KLHL23: variants seen among roughly 807,000 people sequenced by gnomAD.
KLHL23 encodes kelch like family member 23.
A neutral mutation model predicts 48.9 loss-of-function variants in KLHL23; 33 were observed. The ratio of observed to expected loss-of-function variants is 0.67; its 90% CI spans 0.51 to 0.90. The LOEUF (loss-of-function observed/expected upper bound fraction) is 0.90, where lower values mean the gene tolerates loss of function less well. Ranked by LOEUF, KLHL23 falls within the 40% of genes least tolerant of loss-of-function variation. The pLI is 0.00. For synonymous variants in KLHL23, 234 were observed against 231.6 expected (o/e 1.01, Z -0.09); for missense variants, 608 against 669.6 (o/e 0.91, Z 1.02).
chr2:169,750,048 G>GTATACATATATGTGTATATATACGTT lies in KLHL23; in HGVS notation c.*319_*320insACATATATGTGTATATATACGTTTAT, dbSNP rs1252194449. 2 of 141,024 alleles carry GTATACATATATGTGTATATATACGTT rather than the reference G, an allele frequency of 1.4e-5. 1 individual carries two copies. The highest frequency in any genetic ancestry group is 5.2e-5 in the African/African-American group (2 of 38,346). The allele number at this position is 141,024 out of a possible 1,614,324, so 8.7% of individuals were successfully genotyped here. Reference sequence around the variant, plus strand: ...GTATACATATGTGTATATATAGTATGTATGTATACATGTATGTGTATATAT... The same window carrying GTATACATATATGTGTATATATACGTT: ...GTATACATATGTGTATATATAGTATGTATACATATATGTGTATATATACGTTTATGTATACATGTATGTGTATATAT... On this transcript the variant is annotated 3_prime_UTR_variant, in exon 4 of 4. Coordinates refer to ENST00000392647, the MANE Select transcript of KLHL23 (RefSeq NM_144711.6).
chr2:169,743,646 G>C (rs1325577059), intron 3 of KLHL23, among the ~76,000 whole-genome samples: 1 of 152,172 alleles, frequency 6.6e-6, no homozygotes, highest in East Asian at 1.9e-4. Flanking sequence ...AGCAGCCTTG[G>C]ATGTATTCCT....
At chr2:169,747,389 T>TAAA (rs10690582) in intron 3 of KLHL23, among the ~76,000 whole-genome samples, 1 of 69,230 alleles carries the variant, frequency 1.4e-5, no homozygotes, top group Non-Finnish European at 2.6e-5. Flanking sequence ...ACTCTGTCTC[T>TAAA]AAAAAAAAAA....
chr2:169,734,499 C>T (rs1006203506), intron 1 of KLHL23, among the ~76,000 whole-genome samples: 3 of 152,198 alleles, frequency 2.0e-5, no homozygotes, highest in South Asian at 4.1e-4. Context: ...GAGCTGCCTT[C>T]CTTTCTCTCC....
intron 2 of KLHL23, chr2:169,741,182 G>A: frequency 4.0e-6 from 2 of 500,092 alleles, no homozygotes; most frequent in Non-Finnish European, 6.8e-6. Flanking sequence ...CGTGGTGCAT[G>A]GCTGTGTTTG....
chr2:169,740,766 T>TTATATATATA (rs55779546), intron 2 of KLHL23, among the ~76,000 whole-genome samples: 21 of 125,512 alleles, frequency 1.7e-4, no homozygotes, highest in African/African-American at 4.5e-4. Flanking sequence ...CTTTTTTATA[T>TTATATATATA]TATATATATA....
rs778812364 is a variant in KLHL23, at chr2:169,741,498, A to C, written c.1327A>C (p.Ile443Leu). 2.4e-5 allele frequency: 39 copies of C among 1,613,894 alleles called. No homozygotes were observed. The highest frequency in any genetic ancestry group is 3.0e-5 in the Non-Finnish European group (35 of 1,179,958). ...CAAAGTTCAGAGCTACAATTCCGAT[A>C]TCAACGAATGGAGCCTCATCACCTC... ...YDKVQSYNSD[I>L]NEWSLITSSP... The change falls in exon 3 of 4, where the codon ATC becomes CTC. Residue 443 changes from isoleucine (I) to leucine (L), a missense_variant. By Grantham distance (5) the Ile-to-Leu change is conservative. Coordinates refer to ENST00000392647, the MANE Select transcript of KLHL23 (RefSeq NM_144711.6).
chr2:169,734,545 C>A (rs746728516), intron 1 of KLHL23, among the ~76,000 whole-genome samples: 16 of 152,204 alleles, frequency 1.1e-4, no homozygotes, highest in Non-Finnish European at 4.4e-5. Context: ...TTCCCTTTTC[C>A]GAGACCTCTT....
intron 1 of KLHL23, among the ~76,000 whole-genome samples, chr2:169,734,313 GGGACGCGGGCACCGGGCCCGCGGGC>G (rs974875312): frequency 8.8e-5 from 13 of 147,700 alleles, no homozygotes; most frequent in Non-Finnish European, 3.0e-5. Flanking sequence ...GCCGGGCAGA[GGGACGCGGGCACCGGGCCCGCGGGC>G]GGCACGCGGC....
In KLHL23 at chr2:169,749,958, T is replaced by A; in HGVS notation, c.*226T>A. ...ACACACACATATATGTGTTCATATATATGTATACATATATATGTGTATATA... is the reference window on the plus strand; with the variant it reads ...ACACACACATATATGTGTTCATATAAATGTATACATATATATGTGTATATA... On this transcript the variant is annotated 3_prime_UTR_variant, in exon 4 of 4. Transcript: ENST00000392647. The A allele has an allele frequency of 7.3e-6, 1 of 137,648 alleles. No homozygotes were observed. Among genetic ancestry groups the A allele is most frequent in the Non-Finnish European group, 1.3e-5 (1 of 77,732 alleles). The allele number at this position is 137,648 out of a possible 1,614,324, so 8.5% of individuals were successfully genotyped here.
chr2:169,744,587 C>T (rs1303844440), intron 3 of KLHL23, among the ~76,000 whole-genome samples: 1 of 149,114 alleles, frequency 6.7e-6, no homozygotes, highest in East Asian at 2.0e-4. Flanking sequence ...GAGATGGAGT[C>T]TTGCTGTGTT....
chr2:169,742,200 A>G (rs997772156), intron 3 of KLHL23, among the ~76,000 whole-genome samples: 1 of 152,212 alleles, frequency 6.6e-6, no homozygotes, highest in African/African-American at 2.4e-5. Flanking sequence ...GGAAAGATTC[A>G]TATCATCGTA....
chr2:169,736,887 A>G (rs895904083), intron 2 of KLHL23, among the ~76,000 whole-genome samples: 2 of 152,186 alleles, frequency 1.3e-5, no homozygotes, highest in African/African-American at 4.8e-5. Context: ...TCGTTACCAA[A>G]TTTGTATCAT....
In KLHL23 at chr2:169,733,911, G is replaced by C. The variant is rs1050459746; in HGVS notation, c.-179G>C. The C allele has an allele frequency of 6.6e-6, 1 of 152,096 alleles. No homozygotes were observed. Among genetic ancestry groups the C allele is most frequent in the Non-Finnish European group, 1.5e-5 (1 of 68,058 alleles). 9.4% of individuals were successfully genotyped at this position (152,096 alleles called of 1,614,324 possible). A position where few individuals can be genotyped will look rare whatever the true frequency, so the allele number is the denominator to read the frequency against. ...CCCAGACCGTGCGGGGGGCTGTTCGGGTGGAGGCGGGGGAGCCGCCGGGAC... is the reference window on the plus strand; with the variant it reads ...CCCAGACCGTGCGGGGGGCTGTTCGCGTGGAGGCGGGGGAGCCGCCGGGAC... On this transcript the variant is annotated 5_prime_UTR_variant, in exon 1 of 4. Coordinates refer to ENST00000392647, the MANE Select transcript of KLHL23 (RefSeq NM_144711.6).
intron 3 of KLHL23, 21 bp from the exon 4 acceptor site, chr2:169,749,401 T>A: frequency 6.4e-7 from 1 of 1,554,084 alleles, no homozygotes; most frequent in Non-Finnish European, 8.7e-7. Flanking sequence ...AAATGCTGTT[T>A]TCTTTTTTTC....
intron 2 of KLHL23, among the ~76,000 whole-genome samples, chr2:169,737,524 A>T (rs1574520682): frequency 1.3e-5 from 2 of 152,342 alleles, no homozygotes; most frequent in East Asian, 3.9e-4. Context: ...TTAAGGAGCT[A>T]TTGTAAACTA....
chr2:169,742,764 A>G (rs1458205896), intron 3 of KLHL23, among the ~76,000 whole-genome samples: 2 of 152,176 alleles, frequency 1.3e-5, no homozygotes, highest in African/African-American at 4.8e-5. Flanking sequence ...TCTCCCTCCT[A>G]GTAGCCCAAA....
intron 2 of KLHL23, among the ~76,000 whole-genome samples, chr2:169,740,539 C>T (rs940297030): frequency 6.7e-6 from 1 of 150,034 alleles, no homozygotes; most frequent in Non-Finnish European, 1.5e-5. Context: ...AGCTCAGTCT[C>T]CTGGGTTCAC....
chr2:169,749,968 T>TACGCGCGTATGTATAC lies in KLHL23; in HGVS notation c.*237_*238insCGCGCGTATGTATACA, dbSNP rs1688909219. On this transcript the variant is annotated 3_prime_UTR_variant, in exon 4 of 4. Transcript: ENST00000392647. Reference sequence around the variant, plus strand: ...ATATGTGTTCATATATATGTATACATATATATGTGTATATATACGTATGTA... The same window carrying TACGCGCGTATGTATAC: ...ATATGTGTTCATATATATGTATACATACGCGCGTATGTATACATATATGTGTATATATACGTATGTA... 2 of 136,000 alleles carry TACGCGCGTATGTATAC rather than the reference T, an allele frequency of 1.5e-5. No homozygotes were observed. The highest frequency in any genetic ancestry group is 1.4e-5 in the Non-Finnish European group (1 of 72,136). The allele number at this position is 136,000 out of a possible 1,614,324, so 8.4% of individuals were successfully genotyped here. A position where few individuals can be genotyped will look rare whatever the true frequency, so the allele number is the denominator to read the frequency against.
chr2:169,751,360 T>C lies in KLHL23; in HGVS notation c.*1628T>C, dbSNP rs1688964863. ...CTAGCATTTCTGATTAAAAAAAATT[T>C]AGAAGGAAAATTTTAATGCATTTAT... On this transcript the variant is annotated 3_prime_UTR_variant, in exon 4 of 4. Transcript: ENST00000392647. 1 of 152,210 alleles carries C rather than the reference T, an allele frequency of 6.6e-6. No homozygotes were observed. Among genetic ancestry groups the C allele is most frequent in the South Asian group, 2.1e-4 (1 of 4,826 alleles). The allele number at this position is 152,210 out of a possible 1,614,324, so 9.4% of individuals were successfully genotyped here.
Sources: gnomAD v4.1 joint callset for allele counts (sites outside exome capture counted in the v4.1 genomes callset) on GRCh38, gnomAD v4.1.1 for gene constraint, MANE v1.5 for transcripts, NCBI Gene and HGNC (gene_info 2026-07-23, HGNC 2026-07-21) for gene names.